Variants in XKR6 observed in about 807,000 individuals in gnomAD.
XKR6 encodes the protein XK-related protein 6.
XKR6 carries 22 observed loss-of-function variants against 56.7 expected under a neutral mutation model. That is an observed-to-expected ratio of 0.39 (90% CI 0.28 to 0.55). XKR6 has a LOEUF of 0.55. Among genes scored for constraint, XKR6 ranks in the 20% least tolerant of loss-of-function variants. XKR6 has a pLI of 0.66. For missense variants in XKR6, 852 were observed against 889.0 expected (o/e 0.96, Z 0.53); for synonymous variants, 524 against 387.8 (o/e 1.35, Z -4.13).
intron 1 of XKR6, among the ~76,000 whole-genome samples, chr8:11,142,049 A>G (rs1249862579): frequency 2.0e-5 from 3 of 152,066 alleles, no homozygotes; most frequent in African/African-American, 4.8e-5. Context: ...GAAAAAAGGA[A>G]ACACCAAGAC....
At chr8:11,065,390 C>T (rs1395846925) in intron 1 of XKR6, among the ~76,000 whole-genome samples, 3 of 152,212 alleles carry the variant, frequency 2.0e-5, no homozygotes, top group Non-Finnish European at 4.4e-5. Flanking sequence ...TGGCCAGCTC[C>T]ACCATTCGGT....
chr8:10,971,375 C>T (rs1365198483), intron 1 of XKR6, among the ~76,000 whole-genome samples: 5 of 151,866 alleles, frequency 3.3e-5, no homozygotes, highest in East Asian at 1.9e-4. Flanking sequence ...GAGCCAAGAT[C>T]GCACCACTGC....
At chr8:11,198,715 T>G (rs1487215867) in intron 1 of XKR6, among the ~76,000 whole-genome samples, 1 of 152,188 alleles carries the variant, frequency 6.6e-6, no homozygotes. Flanking sequence ...CAGGACAGAT[T>G]CCATTAGAAA....
rs34248780 is a variant in XKR6, at chr8:10,954,866, CTTTT to C, written c.765-30040_765-30037del. On this transcript the variant is annotated intron_variant, in intron 1 of 2. Coordinates refer to ENST00000416569, the MANE Select transcript of XKR6 (RefSeq NM_173683.4). ...TAAGGTAAGGGTCTAACTTCATTCT[CTTTT>C]TTTTTTTTTTTTTTTTAGACAGAGT... 3.5e-3 allele frequency among the ~76,000 whole-genome samples: 322 copies of C among 92,812 alleles called. 5 individuals are homozygous for C. The highest frequency in any genetic ancestry group is 0.013 in the African/African-American group (305 of 23,274). The allele number at this position is 92,812 out of a possible 152,430, so 60.9% of individuals were successfully genotyped here.
intron 1 of XKR6, among the ~76,000 whole-genome samples, chr8:10,993,449 C>A (rs925913474): frequency 1.3e-5 from 2 of 152,234 alleles, no homozygotes; most frequent in Non-Finnish European, 2.9e-5. Context: ...CCTCTGCATG[C>A]CTCCTTCAAC....
chr8:11,135,068 T>C (rs1302859782), intron 1 of XKR6, among the ~76,000 whole-genome samples: 3 of 151,260 alleles, frequency 2.0e-5, no homozygotes, highest in African/African-American at 7.3e-5. Flanking sequence ...AGTCTCCCTC[T>C]GTCGCCCAGG....
chr8:10,996,018 T>G (rs1034949389), intron 1 of XKR6, among the ~76,000 whole-genome samples: 4 of 152,228 alleles, frequency 2.6e-5, no homozygotes, highest in Non-Finnish European at 5.9e-5. Flanking sequence ...ATAGATCCTC[T>G]CTATAACGCC....
At chr8:11,018,277 G>A (rs1483093338) in intron 1 of XKR6, among the ~76,000 whole-genome samples, 1 of 149,894 alleles carries the variant, frequency 6.7e-6, no homozygotes, top group Non-Finnish European at 1.5e-5. Context: ...CAAGAAGCCC[G>A]GTTCATACCC....
At chr8:11,072,965 G>T (rs570065756) in intron 1 of XKR6, among the ~76,000 whole-genome samples, 1 of 152,182 alleles carries the variant, frequency 6.6e-6, no homozygotes, top group African/African-American at 2.4e-5. Flanking sequence ...CAGGAGAATT[G>T]CTTCAACCTG....
At chr8:10,955,655 G>C (rs1000672512) in intron 1 of XKR6, among the ~76,000 whole-genome samples, 1 of 152,182 alleles carries the variant, frequency 6.6e-6, no homozygotes, top group Non-Finnish European at 1.5e-5. Context: ...CAGCAGAGCT[G>C]GGAGGTGAAC....
At chr8:11,039,153 G>A (rs1159284691) in intron 1 of XKR6, among the ~76,000 whole-genome samples, 2 of 152,170 alleles carry the variant, frequency 1.3e-5, no homozygotes, top group East Asian at 1.9e-4. Context: ...GGAAGCACAC[G>A]CCGCCCCACT....
At chr8:11,040,493 C>T (rs1799259959) in intron 1 of XKR6, among the ~76,000 whole-genome samples, 1 of 152,032 alleles carries the variant, frequency 6.6e-6, no homozygotes, top group African/African-American at 2.4e-5. Context: ...GATTGCACCA[C>T]AGTACTCCAG....
chr8:11,116,602 C>A (rs192628315), intron 1 of XKR6, among the ~76,000 whole-genome samples: 126 of 152,248 alleles, frequency 8.3e-4, no homozygotes, highest in African/African-American at 2.9e-3. Flanking sequence ...CACTCCTGAC[C>A]ACAGGTGATC....
rs1389032260 is a variant in XKR6, at chr8:11,120,605, T to G, written c.764+79971A>C. Among the ~76,000 whole-genome samples, 3 of 152,092 alleles carry G rather than the reference T, an allele frequency of 2.0e-5. No individual in the cohort carries two copies. In the South Asian group the frequency reaches 6.2e-4, roughly 32 times the overall value. On this transcript the variant is annotated intron_variant, in intron 1 of 2. Coordinates refer to ENST00000416569, the MANE Select transcript of XKR6 (RefSeq NM_173683.4). ...AGAATCAATATCGTGAAAATGGCCA[T>G]ACTGCCCAAGGTAATTTATAGATTC...
intron 1 of XKR6, among the ~76,000 whole-genome samples, chr8:10,969,305 G>C (rs911524683): frequency 6.6e-6 from 1 of 152,166 alleles, no homozygotes; most frequent in Non-Finnish European, 1.5e-5. Flanking sequence ...TGTTGCTTTG[G>C]AGGCTGTCCA....
intron 1 of XKR6, among the ~76,000 whole-genome samples, chr8:11,130,712 T>C (rs1004315416): frequency 6.6e-6 from 1 of 151,930 alleles, no homozygotes; most frequent in Non-Finnish European, 1.5e-5. Context: ...ATTGTGTATC[T>C]TCCATCACAA....
At chr8:10,943,487 C>T (rs1801446640) in intron 1 of XKR6, among the ~76,000 whole-genome samples, 1 of 152,128 alleles carries the variant, frequency 6.6e-6, no homozygotes, top group African/African-American at 2.4e-5. Flanking sequence ...CCTAAGGGTG[C>T]CCCTCTCTGT....
intron 1 of XKR6, among the ~76,000 whole-genome samples, chr8:11,074,155 A>AGG (rs1800205939): frequency 6.6e-6 from 1 of 152,212 alleles, no homozygotes; most frequent in South Asian, 2.1e-4. Context: ...AGGGAATCTG[A>AGG]GTATTTCTCC....
intron 1 of XKR6, among the ~76,000 whole-genome samples, chr8:11,184,747 G>A (rs1403996929): frequency 6.6e-6 from 1 of 151,998 alleles, no homozygotes; most frequent in African/African-American, 2.4e-5. Context: ...GTCCAGGCTG[G>A]TCTCAAACTC....
Sources: allele counts gnomAD v4.1 joint callset (sites outside exome capture counted in the v4.1 genomes callset), GRCh38; gene constraint gnomAD v4.1.1; transcripts MANE v1.5; gene names NCBI Gene and HGNC (gene_info 2026-07-23, HGNC 2026-07-21).